The following HS6ST3 variants were observed in gnomAD, a reference collection of about 807,000 sequenced individuals.
The protein encoded by HS6ST3 is heparan sulfate 6-O-sulfotransferase 3.
In HS6ST3, 12 loss-of-function variants were observed where a neutral mutation model predicts 36.7. The observed-to-expected ratio is 0.33, with a 90% CI of 0.21 to 0.53. The LOEUF is 0.53. HS6ST3 is among the 20% of genes least tolerant of loss of function. The pLI, the probability that HS6ST3 is intolerant of heterozygous loss-of-function variation, is 0.95. For synonymous variants in HS6ST3, 240 were observed against 257.5 expected (o/e 0.93, Z 0.65); for missense variants, 584 against 640.9 (o/e 0.91, Z 0.96).
intron 1 of HS6ST3, among the ~76,000 whole-genome samples, chr13:96,125,636 A>G (rs1275065146): frequency 6.6e-6 from 1 of 152,174 alleles, no homozygotes. Flanking sequence ...GTCTTTAATT[A>G]CAGTTTTTAT....
chr13:96,709,965 A>G (rs1271581597), intron 1 of HS6ST3, among the ~76,000 whole-genome samples: 1 of 152,240 alleles, frequency 6.6e-6, no homozygotes, highest in African/African-American at 2.4e-5. Context: ...GCACAATTCA[A>G]ACAAGGGCTC....
intron 1 of HS6ST3, among the ~76,000 whole-genome samples, chr13:96,590,665 T>C (rs1286822425): frequency 6.6e-5 from 10 of 152,108 alleles, no homozygotes; most frequent in African/African-American, 2.4e-4. Flanking sequence ...TTGATTGTTA[T>C]CTTTGCTGTG....
chr13:96,819,285 C>T (rs1049515631), intron 1 of HS6ST3, among the ~76,000 whole-genome samples: 2 of 152,168 alleles, frequency 1.3e-5, no homozygotes, highest in Non-Finnish European at 2.9e-5. Context: ...AAAAAAGAGA[C>T]CCCAGACTTT....
chr13:96,786,166 T>G (rs1174988033), intron 1 of HS6ST3, among the ~76,000 whole-genome samples: 1 of 152,106 alleles, frequency 6.6e-6, no homozygotes, highest in African/African-American at 2.4e-5. Flanking sequence ...TTCCCCTTGC[T>G]GCTCTCTGCA....
At chr13:96,383,883 G>T (rs939536029) in intron 1 of HS6ST3, among the ~76,000 whole-genome samples, 2 of 152,196 alleles carry the variant, frequency 1.3e-5, no homozygotes, top group Admixed American at 6.5e-5. Flanking sequence ...GAGCCCTGAG[G>T]CAGACAAATA....
At chr13:96,734,079 C>A (rs955743412) in intron 1 of HS6ST3, among the ~76,000 whole-genome samples, 160 of 152,292 alleles carry the variant, frequency 1.1e-3, no homozygotes, top group African/African-American at 3.4e-3. Context: ...TTTCTAACTG[C>A]CCTTGAAATA....
intron 1 of HS6ST3, among the ~76,000 whole-genome samples, chr13:96,287,984 A>G (rs74698677): frequency 0.014 from 2,202 of 152,280 alleles, 26 homozygotes; most frequent in East Asian, 0.054. Flanking sequence ...GAAGCTTTGT[A>G]TGCTGTATAG....
chr13:96,655,191 T>G (rs1160640965), intron 1 of HS6ST3, among the ~76,000 whole-genome samples: 1 of 152,126 alleles, frequency 6.6e-6, no homozygotes, highest in South Asian at 2.1e-4. Context: ...TTTATGCTTT[T>G]CAGCTCAACC....
At chr13:96,757,487 C>T (rs1342783845) in intron 1 of HS6ST3, among the ~76,000 whole-genome samples, 1 of 152,116 alleles carries the variant, frequency 6.6e-6, no homozygotes, top group East Asian at 1.9e-4. Context: ...TATACTTTTA[C>T]TTACATTGTT....
intron 1 of HS6ST3, among the ~76,000 whole-genome samples, chr13:96,333,048 C>G (rs2055080399): frequency 6.6e-6 from 1 of 152,150 alleles, no homozygotes; most frequent in Admixed American, 6.5e-5. Flanking sequence ...GACTTCTCAG[C>G]CTCTAAAACT....
chr13:96,559,269 C>A (rs1394945278), intron 1 of HS6ST3, among the ~76,000 whole-genome samples: 2 of 152,028 alleles, frequency 1.3e-5, no homozygotes, highest in Admixed American at 6.6e-5. Context: ...GACGCCCCCC[C>A]CACCACACGT....
At chr13:96,389,978 TA>T (rs1442326936) in intron 1 of HS6ST3, among the ~76,000 whole-genome samples, 1 of 152,230 alleles carries the variant, frequency 6.6e-6, no homozygotes, top group East Asian at 1.9e-4. Flanking sequence ...ATGTCACTTT[TA>T]AACTTGGTGT....
At chr13:96,278,913 C>T (rs570988024) in intron 1 of HS6ST3, among the ~76,000 whole-genome samples, 22 of 152,050 alleles carry the variant, frequency 1.4e-4, no homozygotes, top group Non-Finnish European at 2.5e-4. Context: ...ATTTTGTGTT[C>T]TTCAGGTATT....
At chr13:96,377,478 G>C (rs1210632079) in intron 1 of HS6ST3, among the ~76,000 whole-genome samples, 1 of 152,148 alleles carries the variant, frequency 6.6e-6, no homozygotes, top group African/African-American at 2.4e-5. Flanking sequence ...ATTGATGGTA[G>C]TTCTCAAGTA....
intron 1 of HS6ST3, among the ~76,000 whole-genome samples, chr13:96,261,677 AG>A (rs2054667220): frequency 6.6e-6 from 1 of 152,202 alleles, no homozygotes; most frequent in Non-Finnish European, 1.5e-5. Context: ...ACAGAAAGTC[AG>A]GAAACTGAAA....
chr13:96,741,968 G>T lies in HS6ST3; in HGVS notation c.708-90522G>T, dbSNP rs570118791. On this transcript the variant is annotated intron_variant, in intron 1 of 1. Transcript: ENST00000376705. The stretch of plus-strand genomic sequence containing the variant: ...CTGACTGCCTTCTATGTGATTCATT[G>T]GTTTCCCAAGGTTAACAAAACATCC... 2.6e-5 allele frequency among the ~76,000 whole-genome samples: 4 copies of T among 152,164 alleles called. No individual in the cohort carries two copies. In the East Asian group the frequency reaches 7.7e-4, roughly 29 times the overall value.
chr13:96,324,623 A>T (rs2055021306), intron 1 of HS6ST3, among the ~76,000 whole-genome samples: 1 of 152,234 alleles, frequency 6.6e-6, no homozygotes, highest in African/African-American at 2.4e-5. Context: ...TTTGTAGATG[A>T]TCAGATTAAG....
intron 1 of HS6ST3, among the ~76,000 whole-genome samples, chr13:96,643,548 A>T (rs1014816539): frequency 2.0e-5 from 3 of 151,774 alleles, no homozygotes; most frequent in Non-Finnish European, 4.4e-5. Flanking sequence ...AATTTAAACA[A>T]TTGCCTCTGA....
At position 96,372,098 on chromosome 13, in the gene HS6ST3, C is replaced by T. The variant is rs1249617814; in HGVS notation, c.707+280529C>T. On this transcript the variant is annotated intron_variant, in intron 1 of 1. Coordinates refer to ENST00000376705, the MANE Select transcript of HS6ST3 (RefSeq NM_153456.4). ...ATGGCTATATCATTTTATATTCCTA[C>T]CAACAATATATAAGGGTTACCTTTT... Among the ~76,000 whole-genome samples the T allele has an allele frequency of 2.6e-5, 4 of 152,126 alleles. No individual in the cohort carries two copies. The East Asian group carries it at 7.7e-4, about 29-fold the overall frequency.
Sources: gnomAD v4.1 joint callset for allele counts (sites outside exome capture counted in the v4.1 genomes callset) on GRCh38, gnomAD v4.1.1 for gene constraint, MANE v1.5 for transcripts, NCBI Gene and HGNC (gene_info 2026-07-23, HGNC 2026-07-21) for gene names.